KAT6B: variants seen among roughly 807,000 people sequenced by gnomAD.
The protein encoded by KAT6B is histone acetyltransferase KAT6B.
Under a neutral mutation model 187.5 loss-of-function variants are expected in KAT6B, and 10 were observed. The ratio of observed to expected loss-of-function variants is 0.05; its 90% CI spans 0.03 to 0.09. The LOEUF is 0.09. KAT6B is among the 10% of genes least tolerant of loss of function. The pLI is 1.00. For missense variants in KAT6B, 1,952 were observed against 2,558.9 expected (o/e 0.76, Z 5.12); for synonymous variants, 861 against 926.8 (o/e 0.93, Z 1.29).
intron 3 of KAT6B, among the ~76,000 whole-genome samples, chr10:74,920,496 C>T (rs923373217): frequency 3.3e-5 from 5 of 152,168 alleles, no homozygotes; most frequent in Admixed American, 3.3e-4. Flanking sequence ...CTTTGAATTA[C>T]CTATTCTGTC....
chr10:74,903,443 G>A (rs1237585001), intron 3 of KAT6B, among the ~76,000 whole-genome samples: 2 of 152,206 alleles, frequency 1.3e-5, no homozygotes, highest in Admixed American at 6.5e-5. Flanking sequence ...ATTTGATGTT[G>A]ACTGCGAAGA....
intron 1 of KAT6B, among the ~76,000 whole-genome samples, chr10:74,831,474 A>T: frequency 6.6e-6 from 1 of 152,206 alleles, no homozygotes; most frequent in East Asian, 1.9e-4. Context: ...CTATGAGTAA[A>T]ATACACTCTT....
Position 75,022,126 on chromosome 10 carries a change from G to C in KAT6B, c.3267G>C (p.Glu1089Asp). Residue 1089 changes from glutamate to aspartate, a missense_variant, in exon 16 of 18, where the codon GAG (glutamate) becomes GAC (aspartate). Around this residue, in one of 9 missense-constraint regions of KAT6B, gnomAD observed 758 missense variants for 891.4 expected, o/e 0.85. Coordinates refer to ENST00000287239, the MANE Select transcript of KAT6B (RefSeq NM_012330.4). ...EEEEEEEEEEEDEEEEEEEEE... is the reference protein window; with the variant it reads ...EEEEEEEEEEDDEEEEEEEEE... ...AAGAAGAGGAGGAAGAAGAGGAAGA[G>C]GATGAAGAGGAGGAAGAAGAGGAAG... 6.2e-7 allele frequency: 1 copy of C among 1,605,404 alleles called. No homozygotes were observed. Among genetic ancestry groups the C allele is most frequent in the South Asian group, 1.1e-5 (1 of 90,430 alleles).
chr10:74,825,786 C>A (rs1195567876), upstream of KAT6B: 1 of 152,560 alleles, frequency 6.6e-6, no homozygotes, highest in Non-Finnish European at 1.5e-5. This position sits in a 1 kb window ranked among gnomAD's most constrained non-coding sequence, Gnocchi z 5.0. Flanking sequence ...GGCTTGCTCC[C>A]CCGAGGCATG....
chr10:75,022,961 C>T (rs556599639), intron 16 of KAT6B, among the ~76,000 whole-genome samples: 3 of 152,336 alleles, frequency 2.0e-5, no homozygotes, highest in South Asian at 4.1e-4. Context: ...CAGTGCTCTT[C>T]ATGCTGTTTC....
intron 3 of KAT6B, among the ~76,000 whole-genome samples, chr10:74,866,598 A>G (rs558691931): frequency 6.6e-6 from 1 of 152,320 alleles, no homozygotes; most frequent in African/African-American, 2.4e-5. Flanking sequence ...ACTAAAAAAA[A>G]GGAGTCTATA....
chr10:75,029,709 A>G lies in KAT6B; in HGVS notation c.4885A>G (p.Ile1629Val), dbSNP rs1273966358. 6.2e-7 allele frequency: 1 copy of G among 1,614,156 alleles called. No homozygotes were observed. The highest frequency in any genetic ancestry group is 1.7e-5 in the Admixed American group (1 of 60,020). ...TGCTCTGGAAAACAGCTACGCCCAAATCAGCCCAGATCAAAGTGCCATCTC... is the reference window on the plus strand; with the variant it reads ...TGCTCTGGAAAACAGCTACGCCCAAGTCAGCCCAGATCAAAGTGCCATCTC... ...VPALENSYAQ[I>V]SPDQSAISVP... The change falls in exon 18 of 18, where the codon ATC (isoleucine) becomes GTC (valine). Residue 1629 changes from isoleucine to valine, a missense_variant. Around this residue, in one of 9 missense-constraint regions of KAT6B, gnomAD observed 87 missense variants for 167.5 expected, o/e 0.52. Coordinates refer to ENST00000287239, the MANE Select transcript of KAT6B (RefSeq NM_012330.4). The surrounding 1 kb of genome is among the most constrained non-coding windows in gnomAD (Gnocchi z 6.2).
At chr10:74,824,982 T>A (rs1193789601), upstream of KAT6B, among the ~76,000 whole-genome samples, 1 of 150,530 alleles carries the variant, frequency 6.6e-6, no homozygotes, top group Non-Finnish European at 1.5e-5. Flanking sequence ...GGAGAGAGCA[T>A]CCTGGGGGGC....
chr10:74,886,610 C>T (rs1266758783), intron 3 of KAT6B, among the ~76,000 whole-genome samples: 2 of 152,170 alleles, frequency 1.3e-5, no homozygotes, highest in East Asian at 1.9e-4. Context: ...TTATAGTTGG[C>T]TGATGCTCTT....
At chr10:74,862,927 ATG>A (rs1407116800) in intron 3 of KAT6B, among the ~76,000 whole-genome samples, 1 of 152,150 alleles carries the variant, frequency 6.6e-6, no homozygotes, top group Non-Finnish European at 1.5e-5. Context: ...CTGTAAACCG[ATG>A]TCCTCATTAC....
chr10:74,968,606 G>A (rs957573344), intron 4 of KAT6B, among the ~76,000 whole-genome samples: 4 of 152,252 alleles, frequency 2.6e-5, no homozygotes, highest in Admixed American at 6.5e-5. Flanking sequence ...TGAAATTGCA[G>A]AATCTGCTTT....
At chr10:75,001,087 A>G (rs1195898823) in intron 13 of KAT6B, among the ~76,000 whole-genome samples, 1 of 152,000 alleles carries the variant, frequency 6.6e-6, no homozygotes, top group African/African-American at 2.4e-5. Flanking sequence ...AGCCAACCGG[A>G]TTTAAGGAAA....
chr10:74,904,978 T>G (rs542979428), intron 3 of KAT6B, among the ~76,000 whole-genome samples: 1 of 152,268 alleles, frequency 6.6e-6, no homozygotes, highest in South Asian at 2.1e-4. Flanking sequence ...AAAATTACAC[T>G]TACTAGATGT....
chr10:75,005,557 GT>G (rs886330081), intron 13 of KAT6B, among the ~76,000 whole-genome samples: 9 of 152,194 alleles, frequency 5.9e-5, no homozygotes, highest in Non-Finnish European at 1.2e-4. Flanking sequence ...TTGTAAGGTA[GT>G]TTTTTGGTTG....
At chr10:74,897,347 C>T (rs1846064167) in intron 3 of KAT6B, among the ~76,000 whole-genome samples, 1 of 152,196 alleles carries the variant, frequency 6.6e-6, no homozygotes, top group African/African-American at 2.4e-5. Context: ...CAAGAAGTGT[C>T]TGTCCCAGAA....
In KAT6B at chr10:74,850,634, G is replaced by A. The variant is rs1050290555; in HGVS notation, c.621+7156G>A. 1.7e-4 allele frequency among the ~76,000 whole-genome samples: 26 copies of A among 152,280 alleles called. No homozygotes were observed. In the South Asian group the frequency reaches 4.1e-3, roughly 24 times the overall value. ...CCACTGAAGATAAAACTTTATCTTT[G>A]ACTTGGTGAGGGAACTCCTAAAGGA... On this transcript the variant is annotated intron_variant, in intron 3 of 17. Coordinates refer to ENST00000287239, the MANE Select transcript of KAT6B (RefSeq NM_012330.4).
At chr10:74,986,433 A>G (rs758692629) in intron 12 of KAT6B, among the ~76,000 whole-genome samples, 4 of 152,224 alleles carry the variant, frequency 2.6e-5, no homozygotes, top group East Asian at 1.9e-4. Context: ...CTCTTGCACA[A>G]TGTAAATGGG....
At chr10:74,878,388 G>A (rs1341815400) in intron 3 of KAT6B, among the ~76,000 whole-genome samples, 4 of 152,098 alleles carry the variant, frequency 2.6e-5, no homozygotes, top group Non-Finnish European at 4.4e-5. Flanking sequence ...GGTTTGGGGT[G>A]AACAAATGAC....
At chr10:74,988,941 C>T in intron 12 of KAT6B, 78 bp from the exon 13 acceptor site, 1 of 952,936 alleles carries the variant, frequency 1.0e-6, no homozygotes, top group Non-Finnish European at 1.7e-6. Flanking sequence ...GACAGTTTTA[C>T]AAGGACAGTG....
Sources: allele counts gnomAD v4.1 joint callset (sites outside exome capture counted in the v4.1 genomes callset), GRCh38; gene constraint gnomAD v4.1.1; regional missense constraint gnomAD v4.1.1; non-coding constraint Gnocchi (gnomAD v3.1); transcripts MANE v1.5; gene names NCBI Gene and HGNC (gene_info 2026-07-23, HGNC 2026-07-21).